NALF1: variants seen among roughly 807,000 people sequenced by gnomAD.
NALF1 encodes the protein NALCN channel auxiliary factor 1, also known as family with sequence similarity 155 member A.
Under a neutral mutation model 48.4 loss-of-function variants are expected in NALF1, and 3 were observed. The ratio of observed to expected loss-of-function variants is 0.06; its 90% CI spans 0.03 to 0.16. The LOEUF (loss-of-function observed/expected upper bound fraction) is 0.16. NALF1 is among the 10% of genes least tolerant of loss of function. The pLI, the probability that NALF1 is intolerant of heterozygous loss-of-function variation, is 1.00. For missense variants in NALF1, 526 were observed against 571.5 expected (o/e 0.92, Z 0.81); for synonymous variants, 262 against 245.7 (o/e 1.07, Z -0.62).
intron 1 of NALF1, among the ~76,000 whole-genome samples, chr13:107,507,243 G>T (rs887414582): frequency 7.2e-5 from 11 of 151,994 alleles, no homozygotes; most frequent in Admixed American, 4.6e-4. Flanking sequence ...TAGTTGGCAG[G>T]TTGTAGGTAA....
chr13:107,814,004 G>A (rs560913079), intron 1 of NALF1, among the ~76,000 whole-genome samples: 2 of 152,066 alleles, frequency 1.3e-5, no homozygotes, highest in African/African-American at 4.8e-5. Context: ...ATAATAGGGG[G>A]AGTACAAAGA....
At chr13:107,463,606 T>C (rs1884954020) in intron 1 of NALF1, among the ~76,000 whole-genome samples, 2 of 152,198 alleles carry the variant, frequency 1.3e-5, no homozygotes, top group African/African-American at 2.4e-5. Flanking sequence ...ATGAAACCGA[T>C]GTACAGGTAT....
intron 1 of NALF1, among the ~76,000 whole-genome samples, chr13:107,561,051 T>C (rs982594581): frequency 6.6e-6 from 1 of 152,244 alleles, no homozygotes; most frequent in Non-Finnish European, 1.5e-5. Flanking sequence ...AATGCCCTTG[T>C]CAGTATTTGT....
intron 1 of NALF1, among the ~76,000 whole-genome samples, chr13:107,471,981 A>G (rs925200379): frequency 5.9e-5 from 9 of 152,342 alleles, no homozygotes; most frequent in Middle Eastern, 3.4e-3. Context: ...ACTTACCAAC[A>G]GTACTTTTTC....
At chr13:107,262,766 G>GGT (rs1880955181) in intron 1 of NALF1, among the ~76,000 whole-genome samples, 1 of 37,880 alleles carries the variant, frequency 2.6e-5, no homozygotes, top group African/African-American at 1.0e-4. Flanking sequence ...ATAACCCACA[G>GGT]GCGCTCTCTC....
chr13:107,237,441 G>A (rs1334510721), intron 1 of NALF1, among the ~76,000 whole-genome samples: 1 of 152,014 alleles, frequency 6.6e-6, no homozygotes, highest in East Asian at 1.9e-4. Context: ...GCATCCTCAA[G>A]GGACTGGTCC....
intron 1 of NALF1, among the ~76,000 whole-genome samples, chr13:107,418,364 A>G (rs1346576114): frequency 6.6e-6 from 1 of 151,864 alleles, no homozygotes; most frequent in Non-Finnish European, 1.5e-5. Context: ...ACAGGATGCA[A>G]CTCCCAATAT....
At chr13:107,220,676 T>C (rs995623043) in intron 1 of NALF1, among the ~76,000 whole-genome samples, 7 of 152,134 alleles carry the variant, frequency 4.6e-5, no homozygotes, top group East Asian at 1.9e-4. Context: ...GAAATAGTGC[T>C]GTAAAATTTG....
At chr13:107,307,469 TTTTTTA>T (rs1034911602) in intron 1 of NALF1, among the ~76,000 whole-genome samples, 4 of 152,092 alleles carry the variant, frequency 2.6e-5, no homozygotes, top group Admixed American at 1.3e-4. Flanking sequence ...ATGATCTCTC[TTTTTTA>T]TTTTTATTTT....
chr13:107,644,642 C>CACATATAT (rs1555314846), intron 1 of NALF1, among the ~76,000 whole-genome samples: 1 of 92,216 alleles, frequency 1.1e-5, no homozygotes, highest in South Asian at 3.9e-4. Context: ...TACATACATA[C>CACATATAT]ATACATATAT....
intron 1 of NALF1, among the ~76,000 whole-genome samples, chr13:107,316,706 G>A (rs928420842): frequency 3.9e-5 from 6 of 152,156 alleles, no homozygotes; most frequent in Non-Finnish European, 8.8e-5. Flanking sequence ...CTTTTGAGAA[G>A]TGTCTGTTCA....
At chr13:107,609,887 T>C (rs1879181322) in intron 1 of NALF1, among the ~76,000 whole-genome samples, 1 of 152,178 alleles carries the variant, frequency 6.6e-6, no homozygotes, top group Non-Finnish European at 1.5e-5. Flanking sequence ...TACATATGTG[T>C]GTGTGTTTCT....
intron 1 of NALF1, among the ~76,000 whole-genome samples, chr13:107,614,199 A>T (rs1879316558): frequency 1.3e-5 from 2 of 152,204 alleles, no homozygotes; most frequent in South Asian, 4.1e-4. Context: ...AAGATCAAAA[A>T]ATCTTGAAAC....
At chr13:107,783,722 A>G (rs1386847600) in intron 1 of NALF1, among the ~76,000 whole-genome samples, 4 of 151,976 alleles carry the variant, frequency 2.6e-5, no homozygotes, top group African/African-American at 7.2e-5. Flanking sequence ...GGACACAAAC[A>G]CTGCGGAAGG....
intron 1 of NALF1, among the ~76,000 whole-genome samples, chr13:107,760,215 G>C (rs1877226725): frequency 6.6e-6 from 1 of 152,144 alleles, no homozygotes; most frequent in East Asian, 1.9e-4. Context: ...GGATATGTTT[G>C]ATTTTCACAT....
At chr13:107,488,979 C>G (rs770862021) in intron 1 of NALF1, among the ~76,000 whole-genome samples, 2 of 152,094 alleles carry the variant, frequency 1.3e-5, no homozygotes, top group Non-Finnish European at 2.9e-5. Flanking sequence ...ACACAAATAA[C>G]AGTCAAGCTG....
At chr13:107,493,534 A>G (rs1253247105) in intron 1 of NALF1, among the ~76,000 whole-genome samples, 1 of 152,128 alleles carries the variant, frequency 6.6e-6, no homozygotes, top group Non-Finnish European at 1.5e-5. Flanking sequence ...AATGTATAGA[A>G]ATAAAGAAGT....
chr13:107,734,342 C>A (rs1393210301), intron 1 of NALF1, among the ~76,000 whole-genome samples: 4 of 151,860 alleles, frequency 2.6e-5, no homozygotes, highest in Non-Finnish European at 5.9e-5. Flanking sequence ...AAGGTCATCA[C>A]TAGGGATCAT....
In NALF1 at chr13:107,866,837, A is replaced by G; in HGVS notation, c.-241T>C. 1.8e-6 allele frequency: 1 copy of G among 548,340 alleles called. No individual in the cohort carries two copies. The highest frequency in any genetic ancestry group is 3.2e-6 in the Non-Finnish European group (1 of 312,102). 34.0% of individuals were successfully genotyped at this position (548,340 alleles called of 1,614,324 possible). A position where few individuals can be genotyped will look rare whatever the true frequency, so the allele number is the denominator to read the frequency against. ...ATAAATATTACCAGGCTTTGAAGGA[A>G]GGTCTGACTTGCTTCCTAATCATCA... On this transcript the variant is annotated 5_prime_UTR_variant, in exon 1 of 3. Transcript: ENST00000375915. The surrounding 1 kb of genome is among the most constrained non-coding windows in gnomAD (Gnocchi z 4.4).
Sources: gnomAD v4.1 joint callset for allele counts (sites outside exome capture counted in the v4.1 genomes callset) on GRCh38, gnomAD v4.1.1 for gene constraint, Gnocchi (gnomAD v3.1) non-coding constraint, MANE v1.5 for transcripts, NCBI Gene and HGNC (gene_info 2026-07-23, HGNC 2026-07-21) for gene names.